The following MDGA1 variants were observed in gnomAD, a reference collection of about 807,000 sequenced individuals.
The protein encoded by MDGA1 is MAM domain containing glycosylphosphatidylinositol anchor 1, also known as MAM domain-containing glycosylphosphatidylinositol anchor protein 1.
MDGA1 carries 54 observed loss-of-function variants against 101.5 expected under a neutral mutation model. The ratio of observed to expected loss-of-function variants is 0.53; its 90% confidence interval spans 0.43 to 0.67. The LOEUF (loss-of-function observed/expected upper bound fraction) is 0.67, where lower values mean the gene tolerates loss of function less well. MDGA1 is among the 30% of genes least tolerant of loss of function. The pLI is 0.00. For synonymous variants in MDGA1, 533 were observed against 558.3 expected (o/e 0.95, Z 0.64); for missense variants, 1,083 against 1,323.8 (o/e 0.82, Z 2.82).
chr6:37,658,135 G>A, intron 3 of MDGA1, 110 bp downstream of exon 3: 1 of 1,278,120 alleles, frequency 7.8e-7, no homozygotes. Flanking sequence ...ACCAAGGTCA[G>A]CTTCTCCGTT....
At position 37,650,420 on chromosome 6, in the gene MDGA1, G is replaced by T; in HGVS notation, c.1313-15C>A. 6.6e-7 allele frequency: 1 copy of T among 1,518,100 alleles called. No homozygotes were observed. 94.0% of individuals were successfully genotyped at this position (1,518,100 alleles called of 1,614,324 possible). ...GGTGGGCGGCACTGTGGGGGTGATG[G>T]TGATCAGCGGAGAGGTAGGAGCGGA... On this transcript the variant is annotated splice_polypyrimidine_tract_variant and intron_variant, in intron 7 of 16. Coordinates refer to ENST00000434837, the MANE Select transcript of MDGA1 (RefSeq NM_153487.4).
chr6:37,633,958 TCTGA>T lies in MDGA1; in HGVS notation c.*3406_*3409del, dbSNP rs1436478389. 6.6e-6 allele frequency: 1 copy of T among 152,370 alleles called. No homozygotes were observed. Among genetic ancestry groups the T allele is most frequent in the Non-Finnish European group, 1.5e-5 (1 of 68,164 alleles). 9.4% of individuals were successfully genotyped at this position (152,370 alleles called of 1,614,324 possible). ...TCAAACTTTTGAGGTCCATCCTCAC[TCTGA>T]CAGCCTGAGCCAGGGGCTTTCCCAG... On this transcript the variant is annotated 3_prime_UTR_variant, in exon 17 of 17. Coordinates refer to ENST00000434837, the MANE Select transcript of MDGA1 (RefSeq NM_153487.4).
chr6:37,647,266 C>T lies in MDGA1; in HGVS notation c.1953G>A (p.Lys651=), dbSNP rs897829193. The T allele has an allele frequency of 1.8e-5, 28 of 1,565,990 alleles. No homozygotes were observed. The highest frequency in any genetic ancestry group is 1.7e-4 in the Middle Eastern group (1 of 6,030). ...FDTPNPTRSH[K]LSKNYSYVLQ... Reference sequence around the variant, plus strand: ...GCACGTAGGAGTAGTTCTTGGACAGCTTGTGGCTGCGGGTGGGGTTGGGGG... The same window carrying T: ...GCACGTAGGAGTAGTTCTTGGACAGTTTGTGGCTGCGGGTGGGGTTGGGGG... Residue 651 remains lysine (K), a synonymous_variant, in exon 10 of 17, where the codon AAG becomes AAA. Coordinates refer to ENST00000434837, the MANE Select transcript of MDGA1 (RefSeq NM_153487.4).
Position 37,650,099 on chromosome 6 carries a change from G to A in MDGA1, c.1609+10C>T, listed in dbSNP as rs1259261257. ...CTGGGAAGGTAGTCCGGGTGGCGTG[G>A]TGGACTCACACTGCACGTTCAGCTG... On this transcript the variant is annotated intron_variant, in intron 8 of 16. Transcript: ENST00000434837. 8 of 1,611,118 alleles carry A rather than the reference G, an allele frequency of 5.0e-6. No homozygotes were observed. In the East Asian group the frequency reaches 1.8e-4, roughly 36 times the overall value.
rs188241528 is a variant in MDGA1, at chr6:37,643,699, G to C, written c.2536+110C>G. On this transcript the variant is annotated intron_variant, in intron 14 of 16. Coordinates refer to ENST00000434837, the MANE Select transcript of MDGA1 (RefSeq NM_153487.4). ...GTCCAAGGACCTCTCATTTAGCCAA[G>C]TGGGGAAGCTGAGGCCTCACATGGG... The C allele has an allele frequency of 5.9e-5, 86 of 1,465,614 alleles. No homozygotes were observed. In the East Asian group the frequency reaches 1.7e-3, roughly 29 times the overall value. The allele number at this position is 1,465,614 out of a possible 1,614,324, so 90.8% of individuals were successfully genotyped here. A position where few individuals can be genotyped will look rare whatever the true frequency, so the allele number is the denominator to read the frequency against.
At position 37,637,353 on chromosome 6, in the gene MDGA1, G is replaced by A. The variant is rs1261489852; in HGVS notation, c.*15C>T. On this transcript the variant is annotated 3_prime_UTR_variant, in exon 17 of 17. Coordinates refer to ENST00000434837, the MANE Select transcript of MDGA1 (RefSeq NM_153487.4). ...TGCCGGGGGCAAGGTTGGGGGGGTGGCCACACAGCTCTCATCATCTCTGCA... is the reference window on the plus strand; with the variant it reads ...TGCCGGGGGCAAGGTTGGGGGGGTGACCACACAGCTCTCATCATCTCTGCA... 1.2e-6 allele frequency: 2 copies of A among 1,601,666 alleles called. No homozygotes were observed. The highest frequency in any genetic ancestry group is 2.2e-5 in the East Asian group (1 of 44,660).
chr6:37,686,051 T>G (rs1181238692), intron 1 of MDGA1, among the ~76,000 whole-genome samples: 2 of 152,170 alleles, frequency 1.3e-5, no homozygotes, highest in African/African-American at 2.4e-5. Context: ...TCCCTTTCTT[T>G]CTAACAGAAT....
In MDGA1 at chr6:37,663,981, G is replaced by C; in HGVS notation, c.193C>G (p.His65Asp). 6.2e-7 allele frequency: 1 copy of C among 1,613,868 alleles called. No homozygotes were observed. Among genetic ancestry groups the C allele is most frequent in the Non-Finnish European group, 8.5e-7 (1 of 1,179,812 alleles). Reference sequence around the variant, plus strand: ...TGGGGGCTTACCTGGGGTCGAGGGTGCCCTGTTACAAGGCACTGCAGCATG... The same window carrying C: ...TGGGGGCTTACCTGGGGTCGAGGGTCCCCTGTTACAAGGCACTGCAGCATG... ...TLMLQCLVTG[H>D]PRPQVRWTKT... is the part of the protein sequence containing the mutation. The change falls in exon 2 of 17, where the codon CAC (histidine) becomes GAC (aspartate). Residue 65 changes from histidine (H) to aspartate (D), a missense_variant. Physicochemically the swap from His to Asp is moderately conservative, Grantham distance 81. This residue lies in a region of MDGA1 where 310 missense variants were observed against 355.9 expected (regional missense o/e 0.87). Transcript: ENST00000434837.
Position 37,655,076 on chromosome 6 carries a change from C to A in MDGA1, c.580-144G>T, listed in dbSNP as rs977481890. Reference sequence around the variant, plus strand: ...CCCCAACCCCACCCTCACCATTTAGCCCCAGGGGTCCTGAGCCTGGGGTGG... The same window carrying A: ...CCCCAACCCCACCCTCACCATTTAGACCCAGGGGTCCTGAGCCTGGGGTGG... On this transcript the variant is annotated intron_variant, in intron 4 of 16. Coordinates refer to ENST00000434837, the MANE Select transcript of MDGA1 (RefSeq NM_153487.4). This position sits in a 1 kb window ranked among gnomAD's most constrained non-coding sequence, Gnocchi z 5.1. 2 of 1,009,298 alleles carry A rather than the reference C, an allele frequency of 2.0e-6. No individual in the cohort carries two copies. The highest frequency in any genetic ancestry group is 2.9e-6 in the Non-Finnish European group (2 of 701,438). The allele number at this position is 1,009,298 out of a possible 1,614,324, so 62.5% of individuals were successfully genotyped here.
In MDGA1 at chr6:37,656,967, G is replaced by A. The variant is rs554388398; in HGVS notation, c.383-1071C>T. ...TGATACCTGGCAGAGCTCATTGATA[G>A]TGTCAAAAGTCAGAACAATGATTGC... On this transcript the variant is annotated intron_variant, in intron 3 of 16. Coordinates refer to ENST00000434837, the MANE Select transcript of MDGA1 (RefSeq NM_153487.4). 4.6e-5 allele frequency among the ~76,000 whole-genome samples: 7 copies of A among 152,208 alleles called. No individual in the cohort carries two copies. The East Asian group carries it at 1.4e-3, about 29-fold the overall frequency.
intron 1 of MDGA1, among the ~76,000 whole-genome samples, chr6:37,692,596 C>T (rs1305558847): frequency 6.6e-6 from 1 of 152,108 alleles, no homozygotes. Context: ...CTCCCGCCCC[C>T]AGGTATTGAT....
In MDGA1 at chr6:37,635,476, C is replaced by T. The variant is rs1763907469; in HGVS notation, c.*1892G>A. 2.5e-6 allele frequency: 1 copy of T among 398,712 alleles called. No individual in the cohort carries two copies. Among genetic ancestry groups the T allele is most frequent in the Non-Finnish European group, 4.4e-6 (1 of 226,122 alleles). 24.7% of individuals were successfully genotyped at this position (398,712 alleles called of 1,614,324 possible). A position where few individuals can be genotyped will look rare whatever the true frequency, so the allele number is the denominator to read the frequency against. Reference sequence around the variant, plus strand: ...TGGAGCGACTCATTTCAGACAGAGGCCTTGACTGGGTCAGGAAGGCAGCCG... The same window carrying T: ...TGGAGCGACTCATTTCAGACAGAGGTCTTGACTGGGTCAGGAAGGCAGCCG... On this transcript the variant is annotated 3_prime_UTR_variant, in exon 17 of 17. Coordinates refer to ENST00000434837, the MANE Select transcript of MDGA1 (RefSeq NM_153487.4).
intron 1 of MDGA1, among the ~76,000 whole-genome samples, chr6:37,681,488 T>C (rs1169042380): frequency 6.6e-6 from 1 of 152,076 alleles, no homozygotes; most frequent in Non-Finnish European, 1.5e-5. Flanking sequence ...GAGATAAAGG[T>C]GGACCCAGAG....
chr6:37,645,540 G>GAA (rs59116832), intron 12 of MDGA1, among the ~76,000 whole-genome samples: 6 of 150,842 alleles, frequency 4.0e-5, no homozygotes, highest in South Asian at 2.1e-4. Context: ...CATCTCAAAA[G>GAA]AAAAAAAAAG....
chr6:37,652,047 C>G lies in MDGA1; in HGVS notation c.1276G>C (p.Asp426His). 1 of 1,608,910 alleles carries G rather than the reference C, an allele frequency of 6.2e-7. No homozygotes were observed. The highest frequency in any genetic ancestry group is 1.1e-5 in the South Asian group (1 of 90,940). The change falls in exon 7 of 17, where the codon GAC (aspartate) becomes CAC (histidine). Residue 426 changes from aspartate (D) to histidine (H), a missense_variant. Transcript: ENST00000434837. This position sits in a 1 kb window ranked among gnomAD's most constrained non-coding sequence, Gnocchi z 4.3. Reference protein sequence around the residue: ...MASFPGAPVPDLSVEVNISSE... With the variant: ...MASFPGAPVPHLSVEVNISSE... ...GAGATGTTGACCTCGACGCTGAGGT[C>G]GGGCACGGGTGCCCCTGGGAAAGAA... is the stretch of plus-strand genomic sequence containing the variant.
chr6:37,669,336 G>A (rs959312150), intron 1 of MDGA1, among the ~76,000 whole-genome samples: 2 of 152,154 alleles, frequency 1.3e-5, no homozygotes, highest in Non-Finnish European at 2.9e-5. Context: ...ACTGTCCTGG[G>A]ATGATATTAA....
intron 1 of MDGA1, among the ~76,000 whole-genome samples, chr6:37,672,474 G>T (rs1239106406): frequency 1.3e-5 from 2 of 152,184 alleles, no homozygotes; most frequent in Non-Finnish European, 2.9e-5. Flanking sequence ...CAATGAAGAG[G>T]ACTGTTGCCC....
At chr6:37,664,774 C>T (rs544446605) in intron 1 of MDGA1, among the ~76,000 whole-genome samples, 39 of 150,002 alleles carry the variant, frequency 2.6e-4, no homozygotes, top group African/African-American at 8.3e-4. Context: ...CCCAGCAAAT[C>T]ACTTGGCTAA....
intron 1 of MDGA1, among the ~76,000 whole-genome samples, chr6:37,673,796 C>T (rs574961398): frequency 7.2e-5 from 11 of 152,280 alleles, no homozygotes; most frequent in African/African-American, 2.4e-4. Context: ...CCACTCACAC[C>T]ATCTCCTCCA....
Sources: allele counts gnomAD v4.1 joint callset (sites outside exome capture counted in the v4.1 genomes callset), GRCh38; gene constraint gnomAD v4.1.1; regional missense constraint gnomAD v4.1.1; non-coding constraint Gnocchi (gnomAD v3.1); transcripts MANE v1.5; gene names NCBI Gene and HGNC (gene_info 2026-07-23, HGNC 2026-07-21).